Variants in PLEKHH1 observed in about 807,000 individuals in gnomAD.
PLEKHH1 encodes pleckstrin homology domain-containing family H member 1.
In PLEKHH1, 104 loss-of-function variants were observed where a neutral mutation model predicts 160.0. That is an observed-to-expected ratio of 0.65 (90% CI 0.55 to 0.76). PLEKHH1 has a LOEUF of 0.76. PLEKHH1 is among the 30% of genes least tolerant of loss of function. The probability of loss-of-function intolerance (pLI) is 0.00; values close to 1 mark genes in which losing one functional copy is unlikely to be tolerated. For missense variants in PLEKHH1, 1,427 were observed against 1,724.1 expected, an observed-to-expected ratio of 0.83 and a Z score of 3.05; for synonymous variants, 619 against 678.4, an observed-to-expected ratio of 0.91 and a Z score of 1.36.
rs1333144179 is a variant in PLEKHH1 at position 67,588,809 on chromosome 14, C to T, written c.*1574C>T. 6.6e-6 allele frequency: 1 copy of T among 152,590 alleles called. No homozygotes were observed. The highest frequency in any genetic ancestry group is 1.5e-5 in the Non-Finnish European group (1 of 68,030). 9.5% of individuals were successfully genotyped at this position (152,590 alleles called of 1,614,324 possible). ...TTTTGCACAGCAAAAACTGCGAGGC[C>T]AGAACTAGTTTATCTGAACACCTCA... On this transcript the variant is annotated 3_prime_UTR_variant, in exon 29 of 29. Transcript: ENST00000329153.
chr14:67,557,467 C>T, intron 4 of PLEKHH1, 49 bp downstream of exon 4: 1 of 1,570,738 alleles, frequency 6.4e-7, no homozygotes, highest in Non-Finnish European at 8.7e-7. Context: ...GACATCTGTA[C>T]TGCTGGCCCC....
chr14:67,572,082 CGTGA>C, intron 10 of PLEKHH1, 49 bp from the exon 11 acceptor site: 1 of 1,564,096 alleles, frequency 6.4e-7, no homozygotes, highest in African/African-American at 1.3e-5. Flanking sequence ...TCCTGGGCTG[CGTGA>C]GTCGGGGAGG....
In PLEKHH1 at chr14:67,564,782, G is replaced by C. The variant is rs768551442; in HGVS notation, c.1263+1888G>C. ...TGGCTCACTGCAGCCTCAACTTCCC[G>C]GGCTCAAGCAATTCTCCCACCTCAG... is the stretch of plus-strand genomic sequence containing the variant. On this transcript the variant is annotated intron_variant, in intron 7 of 28. Coordinates refer to ENST00000329153, the MANE Select transcript of PLEKHH1 (RefSeq NM_020715.3). Among the ~76,000 whole-genome samples the C allele has an allele frequency of 2.7e-5, 4 of 150,642 alleles. No homozygotes were observed. The East Asian group carries it at 7.8e-4, about 29-fold the overall frequency.
intron 4 of PLEKHH1, among the ~76,000 whole-genome samples, chr14:67,558,288 C>T (rs1042069436): frequency 6.6e-6 from 1 of 152,204 alleles, no homozygotes; most frequent in African/African-American, 2.4e-5. Context: ...TAATTTCCTA[C>T]ACATGCCTTC....
chr14:67,583,401 G>C (rs918113096), intron 24 of PLEKHH1, among the ~76,000 whole-genome samples: 3 of 152,162 alleles, frequency 2.0e-5, no homozygotes, highest in African/African-American at 7.2e-5. Context: ...AGGATCTGTA[G>C]CATCTTCAAT....
chr14:67,582,331 C>A lies in PLEKHH1; in HGVS notation c.3426+121C>A. ...TGGTGCTCAGGAGAGGGCAGCTTTG[C>A]CATCTCTGGGATGGAAAGCAGCTGA... On this transcript the variant is annotated intron_variant, in intron 24 of 28. Transcript: ENST00000329153. This position sits in a 1 kb window ranked among gnomAD's most constrained non-coding sequence, Gnocchi z 5.0. The A allele has an allele frequency of 6.5e-7, 1 of 1,532,054 alleles. No individual in the cohort carries two copies. 94.9% of individuals were successfully genotyped at this position (1,532,054 alleles called of 1,614,324 possible).
intron 2 of PLEKHH1, among the ~76,000 whole-genome samples, chr14:67,554,984 C>G (rs2034536971): frequency 6.6e-6 from 1 of 152,192 alleles, no homozygotes. Context: ...GCCATCTCAG[C>G]TCACTACAGC....
At chr14:67,536,950 A>G (rs1383350293) in intron 1 of PLEKHH1, among the ~76,000 whole-genome samples, 10 of 141,434 alleles carry the variant, frequency 7.1e-5, no homozygotes, top group South Asian at 2.3e-4. Flanking sequence ...TGAGGCAGGA[A>G]AATTGTTTGA....
chr14:67,585,245 G>T, intron 26 of PLEKHH1: 2 of 224,326 alleles, frequency 8.9e-6, no homozygotes, highest in Non-Finnish European at 1.7e-5. Context: ...GAGCAGCTAG[G>T]GCTGGCCTCT....
At chr14:67,539,434 C>T (rs918747393) in intron 1 of PLEKHH1, among the ~76,000 whole-genome samples, 12 of 152,160 alleles carry the variant, frequency 7.9e-5, no homozygotes, top group African/African-American at 2.4e-4. Flanking sequence ...CGAGCTTACT[C>T]GGTCCATCAG....
At chr14:67,563,642 A>G (rs557617649) in intron 7 of PLEKHH1, among the ~76,000 whole-genome samples, 1 of 151,314 alleles carries the variant, frequency 6.6e-6, no homozygotes, top group South Asian at 2.1e-4. Flanking sequence ...CATGTTGGTC[A>G]GGCTGGCCTC....
chr14:67,549,852 G>C (rs535045647), intron 2 of PLEKHH1, among the ~76,000 whole-genome samples: 1 of 152,234 alleles, frequency 6.6e-6, no homozygotes, highest in African/African-American at 2.4e-5. Context: ...TCTCTGACTT[G>C]CTAAAGAAAA....
At chr14:67,566,565 C>T (rs201112685) in intron 7 of PLEKHH1, among the ~76,000 whole-genome samples, 37 of 118,696 alleles carry the variant, frequency 3.1e-4, no homozygotes, top group East Asian at 2.5e-3. Context: ...GGCAACACGG[C>T]GAAACCCCAT....
chr14:67,572,011 C>A lies in PLEKHH1; in HGVS notation c.1585+109C>A, dbSNP rs1219286519. 16 of 1,479,338 alleles carry A rather than the reference C, an allele frequency of 1.1e-5. No individual in the cohort carries two copies. The East Asian group carries it at 3.7e-4, about 34-fold the overall frequency. 91.6% of individuals were successfully genotyped at this position (1,479,338 alleles called of 1,614,324 possible). A position where few individuals can be genotyped will look rare whatever the true frequency, so the allele number is the denominator to read the frequency against. On this transcript the variant is annotated intron_variant, in intron 10 of 28. Coordinates refer to ENST00000329153, the MANE Select transcript of PLEKHH1 (RefSeq NM_020715.3). ...CACTTGATCTGAGCTCGTGACCCCCCAGCAGCTCCACCCCCAGCCCCAGAG... is the reference window on the plus strand; with the variant it reads ...CACTTGATCTGAGCTCGTGACCCCCAAGCAGCTCCACCCCCAGCCCCAGAG...
At chr14:67,538,726 C>T (rs993033949) in intron 1 of PLEKHH1, among the ~76,000 whole-genome samples, 1 of 152,184 alleles carries the variant, frequency 6.6e-6, no homozygotes, top group African/African-American at 2.4e-5. Flanking sequence ...GAGTCCCAAC[C>T]TCCTCAGCAA....
In PLEKHH1 at chr14:67,587,555, G is replaced by C. The variant is rs1216514589; in HGVS notation, c.*320G>C. ...GAGGGCATCAGTGCTATAAGTTAAG[G>C]CTTTCTGCACTGGTACTCTCAAGGA... On this transcript the variant is annotated 3_prime_UTR_variant, in exon 29 of 29. Transcript: ENST00000329153. The C allele has an allele frequency of 2.8e-6, 1 of 358,368 alleles. No individual in the cohort carries two copies. The highest frequency in any genetic ancestry group is 2.5e-5 in the South Asian group (1 of 39,272). The allele number at this position is 358,368 out of a possible 1,614,324, so 22.2% of individuals were successfully genotyped here. A position where few individuals can be genotyped will look rare whatever the true frequency, so the allele number is the denominator to read the frequency against.
chr14:67,559,749 C>G, intron 5 of PLEKHH1, 58 bp downstream of exon 5: 1 of 1,180,426 alleles, frequency 8.5e-7, no homozygotes, highest in Admixed American at 2.0e-5. Context: ...CTGCCCTGAC[C>G]CCCGGAGTTT....
At chr14:67,572,031 C>G (rs989073777) in intron 10 of PLEKHH1, 104 bp from the exon 11 acceptor site, 3 of 1,485,588 alleles carry the variant, frequency 2.0e-6, no homozygotes, top group African/African-American at 1.4e-5. Flanking sequence ...ACCCCCAGCC[C>G]CAGAGACCGG....
rs557426171 is a variant in PLEKHH1 at position 67,576,162 on chromosome 14, A to G, written c.2352+157A>G. Among the ~76,000 whole-genome samples, 1 of 152,300 alleles carries G rather than the reference A, an allele frequency of 6.6e-6. No homozygotes were observed. Among genetic ancestry groups the G allele is most frequent in the East Asian group, 1.9e-4 (1 of 5,186 alleles). ...GAATGGGAATATTCCTTTATACTGAATTTATTCCCAGTGACCAACATTGCT... is the reference window on the plus strand; with the variant it reads ...GAATGGGAATATTCCTTTATACTGAGTTTATTCCCAGTGACCAACATTGCT... On this transcript the variant is annotated intron_variant, in intron 16 of 28. Transcript: ENST00000329153. This position sits in a 1 kb window ranked among gnomAD's most constrained non-coding sequence, Gnocchi z 4.0.
Sources: gnomAD v4.1 joint callset for allele counts (sites outside exome capture counted in the v4.1 genomes callset) on GRCh38, gnomAD v4.1.1 for gene constraint, Gnocchi (gnomAD v3.1) non-coding constraint, MANE v1.5 for transcripts, NCBI Gene and HGNC (gene_info 2026-07-23, HGNC 2026-07-21) for gene names.